NRF1: variants seen among roughly 807,000 people sequenced by gnomAD.
NRF1 encodes alpha palindromic-binding protein.
Under a neutral mutation model 58.5 loss-of-function variants are expected in NRF1, and 5 were observed. That is an observed-to-expected ratio of 0.09 (90% confidence interval 0.04 to 0.18). The LOEUF is 0.18. Ranked by LOEUF, NRF1 falls within the 10% of genes least tolerant of loss-of-function variation. NRF1 has a pLI of 1.00. For missense variants in NRF1, 288 were observed against 657.7 expected, an observed-to-expected ratio of 0.44 and a Z score of 6.15; for synonymous variants, 224 against 246.7, an observed-to-expected ratio of 0.91 and a Z score of 0.86.
chr7:129,619,417 T>TATATAC (rs1800726689), intron 1 of NRF1, among the ~76,000 whole-genome samples: 1 of 96,608 alleles, frequency 1.0e-5, no homozygotes, highest in Non-Finnish European at 1.9e-5. Context: ...TATATATATA[T>TATATAC]ATATATATAT....
chr7:129,638,252 A>G (rs913096034), intron 1 of NRF1, among the ~76,000 whole-genome samples: 4 of 152,176 alleles, frequency 2.6e-5, no homozygotes, highest in African/African-American at 9.7e-5. Flanking sequence ...CTTTCAGACA[A>G]TAGCTCTAAT....
chr7:129,743,719 C>T lies in NRF1; in HGVS notation c.1349-11299C>T, dbSNP rs113324925. Among the ~76,000 whole-genome samples the T allele has an allele frequency of 5.2e-3, 792 of 152,318 alleles. 7 individuals carry two copies. The highest frequency in any genetic ancestry group is 7.6e-3 in the Non-Finnish European group (518 of 68,040). On this transcript the variant is annotated intron_variant, in intron 10 of 10. Transcript: ENST00000393232. ...CTCTTACTTGTTACCTACAGATTAT[C>T]TGTCACGCAGATTACTCGTGACACA...
chr7:129,734,559 G>A (rs753383119), intron 10 of NRF1, among the ~76,000 whole-genome samples: 17 of 152,212 alleles, frequency 1.1e-4, no homozygotes, highest in South Asian at 4.1e-4. Context: ...GGGGTACCCT[G>A]GAGGTTCATG....
intron 1 of NRF1, among the ~76,000 whole-genome samples, chr7:129,644,305 C>T (rs185140582): frequency 6.6e-6 from 1 of 152,162 alleles, no homozygotes; most frequent in African/African-American, 2.4e-5. Context: ...AGTAAAAAGA[C>T]AGCGTACTTT....
intron 4 of NRF1, among the ~76,000 whole-genome samples, chr7:129,682,062 A>G (rs1802324916): frequency 7.4e-6 from 1 of 134,728 alleles, no homozygotes; most frequent in Non-Finnish European, 1.6e-5. Flanking sequence ...AGCCTGGGTG[A>G]CAGAGTGAGA....
intron 5 of NRF1, among the ~76,000 whole-genome samples, chr7:129,703,247 G>A (rs1802875008): frequency 6.6e-6 from 1 of 152,132 alleles, no homozygotes; most frequent in Admixed American, 6.5e-5. Flanking sequence ...GGCCCACCTA[G>A]AGCCCTAAAT....
chr7:129,678,368 G>T (rs1371505994), intron 4 of NRF1, among the ~76,000 whole-genome samples: 2 of 152,156 alleles, frequency 1.3e-5, no homozygotes, highest in African/African-American at 4.8e-5. Context: ...GATCTGTAAA[G>T]ATTTAAATTG....
chr7:129,728,805 C>T (rs922708802), intron 10 of NRF1, among the ~76,000 whole-genome samples: 3 of 152,172 alleles, frequency 2.0e-5, no homozygotes, highest in African/African-American at 4.8e-5. Context: ...AAACTATAGC[C>T]TACTTTTTCT....
At position 129,702,540 on chromosome 7, in the gene NRF1, A is replaced by G. The variant is rs547803420; in HGVS notation, c.607-6535A>G. Among the ~76,000 whole-genome samples, 11 of 152,272 alleles carry G rather than the reference A, an allele frequency of 7.2e-5. No individual in the cohort carries two copies. The South Asian group carries it at 2.1e-3, about 29-fold the overall frequency. On this transcript the variant is annotated intron_variant, in intron 5 of 10. Coordinates refer to ENST00000393232, the MANE Select transcript of NRF1 (RefSeq NM_005011.5). The stretch of plus-strand genomic sequence containing the variant: ...GTCATCTCTCTGAACAGAGATCAGT[A>G]CTACAAATAATTCCCAATATAGGGC...
intron 1 of NRF1, among the ~76,000 whole-genome samples, chr7:129,623,279 G>C (rs1192191436): frequency 6.6e-6 from 1 of 152,036 alleles, no homozygotes; most frequent in East Asian, 1.9e-4. Flanking sequence ...AGATAGCATT[G>C]GTCTTTTATT....
At chr7:129,732,152 C>A (rs1238293619) in intron 10 of NRF1, among the ~76,000 whole-genome samples, 1 of 152,142 alleles carries the variant, frequency 6.6e-6, no homozygotes, top group Non-Finnish European at 1.5e-5. Context: ...GACCTTAACA[C>A]CCATTGTTGG....
intron 9 of NRF1, among the ~76,000 whole-genome samples, chr7:129,720,972 TTG>T (rs1040285198): frequency 1.3e-5 from 2 of 151,862 alleles, no homozygotes; most frequent in Admixed American, 6.6e-5. Flanking sequence ...TTAAAAAAAT[TTG>T]TGTGTGTATG....
At chr7:129,626,454 T>C (rs772649540) in intron 1 of NRF1, among the ~76,000 whole-genome samples, 3 of 152,230 alleles carry the variant, frequency 2.0e-5, no homozygotes, top group Admixed American at 6.5e-5. Context: ...AAACTTAGAA[T>C]TGGTTAAAAC....
rs11434445 is a variant in NRF1, at chr7:129,696,060, TAAAAAAAAAA to T, written c.606+5531_606+5540del. 2.2e-4 allele frequency among the ~76,000 whole-genome samples: 12 copies of T among 53,378 alleles called. No individual in the cohort carries two copies. The South Asian group carries it at 4.8e-3, about 22-fold the overall frequency. The allele number at this position is 53,378 out of a possible 152,430, so 35.0% of individuals were successfully genotyped here. Reference sequence around the variant, plus strand: ...CAACATGGATAAACCCCGTCTCTACTAAAAAAAAAAAAAAAAAAAAAAAAAACAACCAAAT... The same window carrying T: ...CAACATGGATAAACCCCGTCTCTACTAAAAAAAAAAAAAAAACAACCAAAT... On this transcript the variant is annotated intron_variant, in intron 5 of 10. Coordinates refer to ENST00000393232, the MANE Select transcript of NRF1 (RefSeq NM_005011.5).
At chr7:129,733,964 A>C (rs888519315) in intron 10 of NRF1, among the ~76,000 whole-genome samples, 40 of 152,062 alleles carry the variant, frequency 2.6e-4, no homozygotes, top group Admixed American at 2.2e-3. Context: ...TCGAGGCTGC[A>C]GTGAGCCAAG....
At chr7:129,712,144 T>TATC (rs3043672) in intron 8 of NRF1, among the ~76,000 whole-genome samples, 138,529 of 152,072 alleles carry the variant, frequency 0.91, 63,127 homozygotes, top group East Asian at 0.94. Flanking sequence ...AAAGTTCTGT[T>TATC]ATCTTCACTT....
At chr7:129,696,037 A>T (rs547318279) in intron 5 of NRF1, among the ~76,000 whole-genome samples, 16 of 143,456 alleles carry the variant, frequency 1.1e-4, no homozygotes, top group South Asian at 2.3e-4. Flanking sequence ...AGCCTGACCA[A>T]CATGGATAAA....
At chr7:129,631,795 A>G (rs1801055303) in intron 1 of NRF1, among the ~76,000 whole-genome samples, 2 of 152,228 alleles carry the variant, frequency 1.3e-5, no homozygotes, top group Non-Finnish European at 2.9e-5. Flanking sequence ...GTGTAAAAAA[A>G]GGCATATTCA....
intron 5 of NRF1, among the ~76,000 whole-genome samples, chr7:129,701,213 C>G (rs1384231552): frequency 6.6e-6 from 1 of 151,676 alleles, no homozygotes; most frequent in Non-Finnish European, 1.5e-5. Context: ...GAAAAATAAC[C>G]AGTAAATATA....
Sources: gnomAD v4.1 joint callset for allele counts (sites outside exome capture counted in the v4.1 genomes callset) on GRCh38, gnomAD v4.1.1 for gene constraint, MANE v1.5 for transcripts, NCBI Gene and HGNC (gene_info 2026-07-23, HGNC 2026-07-21) for gene names.